ENTPD1: variants seen among roughly 807,000 people sequenced by gnomAD.
ENTPD1 encodes ectonucleoside triphosphate diphosphohydrolase 1, also known as ATP diphosphohydrolase.
A neutral mutation model predicts 57.0 loss-of-function variants in ENTPD1; 33 were observed. That is an observed-to-expected ratio of 0.58 (90% CI 0.44 to 0.77). ENTPD1 has a LOEUF of 0.77. Among genes scored for constraint, ENTPD1 ranks in the 30% least tolerant of loss-of-function variants. The probability of loss-of-function intolerance (pLI) is 0.00; values close to 1 mark genes in which losing one functional copy is unlikely to be tolerated. For synonymous variants in ENTPD1, 202 were observed against 218.8 expected (o/e 0.92, Z 0.68); for missense variants, 501 against 603.4 (o/e 0.83, Z 1.78).
rs1481753761 is a variant in ENTPD1, at chr10:95,869,748, A to G, written c.*3365A>G. On this transcript the variant is annotated 3_prime_UTR_variant, in exon 10 of 10. Transcript: ENST00000371205. ...CTGCAAGAGATGGATGGTATGGTAC[A>G]CTCAAACTGGGTAACACAGGAGAGT... is the stretch of plus-strand genomic sequence containing the variant. 3.5e-6 allele frequency: 3 copies of G among 864,314 alleles called. No homozygotes were observed. The highest frequency in any genetic ancestry group is 4.2e-6 in the Non-Finnish European group (3 of 719,666). 53.5% of individuals were successfully genotyped at this position (864,314 alleles called of 1,614,324 possible).
At chr10:95,776,480 G>A (rs577682398) in intron 1 of ENTPD1, among the ~76,000 whole-genome samples, 1 of 152,308 alleles carries the variant, frequency 6.6e-6, no homozygotes, top group South Asian at 2.1e-4. Flanking sequence ...ACTCTCTTCT[G>A]GCTTGTAGAG....
At chr10:95,700,314 A>T in the ENTPD1 span, among the ~76,000 whole-genome samples, 1 of 152,200 alleles carries the variant, frequency 6.6e-6, no homozygotes, top group Non-Finnish European at 1.5e-5. Flanking sequence ...CTGAGGATTA[A>T]ATCTACAAGT....
At chr10:95,722,927 G>A (rs977330881) in intron 1 of ENTPD1, among the ~76,000 whole-genome samples, 5 of 152,170 alleles carry the variant, frequency 3.3e-5, no homozygotes, top group African/African-American at 9.7e-5. Flanking sequence ...TTTGACTTAG[G>A]ATAATTCTGA....
At position 95,871,102 on chromosome 10, in the gene ENTPD1, A is replaced by C; in HGVS notation, c.*4719A>C. 5.1e-6 allele frequency: 5 copies of C among 985,472 alleles called. No homozygotes were observed. Among genetic ancestry groups the C allele is most frequent in the Non-Finnish European group, 6.0e-6 (5 of 829,944 alleles). The allele number at this position is 985,472 out of a possible 1,614,324, so 61.0% of individuals were successfully genotyped here. A position where few individuals can be genotyped will look rare whatever the true frequency, so the allele number is the denominator to read the frequency against. ...GTCACTTCTGTCACAGGCTATTGTA[A>C]GTCATATGAGCAAGCTCAATAAAAT... On this transcript the variant is annotated 3_prime_UTR_variant, in exon 10 of 10. Coordinates refer to ENST00000371205, the MANE Select transcript of ENTPD1 (RefSeq NM_001776.6).
At chr10:95,796,879 G>C (rs2098228301) in intron 1 of ENTPD1, among the ~76,000 whole-genome samples, 1 of 152,006 alleles carries the variant, frequency 6.6e-6, no homozygotes, top group Non-Finnish European at 1.5e-5. Context: ...AGGAGTTTGA[G>C]ACCAGCCTGG....
intron 1 of ENTPD1, among the ~76,000 whole-genome samples, chr10:95,741,520 G>A (rs2098000323): frequency 6.6e-6 from 1 of 152,224 alleles, no homozygotes; most frequent in South Asian, 2.1e-4. Flanking sequence ...ACATGGTACT[G>A]CAATAATGGC....
chr10:95,755,999 G>C, upstream of ENTPD1: 1 of 1,464,842 alleles, frequency 6.8e-7, no homozygotes, highest in Non-Finnish European at 9.0e-7. Context: ...AAGGCTTCGA[G>C]TAACTTTAGG....
intron 1 of ENTPD1, among the ~76,000 whole-genome samples, chr10:95,817,421 T>G (rs1242544119): frequency 6.6e-6 from 1 of 152,160 alleles, no homozygotes; most frequent in African/African-American, 2.4e-5. Flanking sequence ...CCACACCCTC[T>G]CTCTCCAGTG....
chr10:95,857,927 C>G (rs1456680151), intron 7 of ENTPD1, among the ~76,000 whole-genome samples: 1 of 151,964 alleles, frequency 6.6e-6, no homozygotes, highest in African/African-American at 2.4e-5. Flanking sequence ...TTTGGGAGGC[C>G]GACGCGGGCG....
chr10:95,696,382 G>C, the ENTPD1 span, among the ~76,000 whole-genome samples: 1 of 152,162 alleles, frequency 6.6e-6, no homozygotes, highest in Non-Finnish European at 1.5e-5. Context: ...CCAGGTTCAA[G>C]CAACTTTCCT....
At chr10:95,815,467 A>G (rs2098326794) in intron 1 of ENTPD1, among the ~76,000 whole-genome samples, 1 of 152,232 alleles carries the variant, frequency 6.6e-6, no homozygotes, top group African/African-American at 2.4e-5. Context: ...AACAGTCCAG[A>G]CAACCCTTCC....
chr10:95,778,151 C>T (rs897485689), intron 1 of ENTPD1, among the ~76,000 whole-genome samples: 1 of 152,298 alleles, frequency 6.6e-6, no homozygotes, highest in African/African-American at 2.4e-5. Context: ...ATGGGCTGCA[C>T]CCACTGTCCA....
upstream of ENTPD1, among the ~76,000 whole-genome samples, chr10:95,752,102 G>A (rs1403849894): frequency 1.3e-5 from 2 of 152,168 alleles, no homozygotes; most frequent in South Asian, 2.1e-4. Flanking sequence ...GGCCAACAAT[G>A]GCCCATGCTA....
intron 1 of ENTPD1, among the ~76,000 whole-genome samples, chr10:95,715,618 C>G (rs2139814689): frequency 6.6e-6 from 1 of 151,822 alleles, no homozygotes; most frequent in African/African-American, 2.4e-5. Context: ...CTTCTTTTTC[C>G]TCTGTTCCCC....
intron 1 of ENTPD1, among the ~76,000 whole-genome samples, chr10:95,748,576 T>A (rs892262235): frequency 7.9e-5 from 12 of 152,256 alleles, no homozygotes; most frequent in African/African-American, 2.7e-4. Context: ...TTTCTGTGTG[T>A]GTCTCCAGCA....
chr10:95,696,315 C>T, the ENTPD1 span, among the ~76,000 whole-genome samples: 1 of 152,040 alleles, frequency 6.6e-6, no homozygotes, highest in Non-Finnish European at 1.5e-5. Context: ...GAGTCTTGCC[C>T]TGTCACCCAG....
chr10:95,754,917 T>A (rs2098018555), upstream of ENTPD1: 2 of 152,258 alleles, frequency 1.3e-5, no homozygotes, highest in South Asian at 4.1e-4. Context: ...TATTAAAGTA[T>A]GACTGAAAGC....
intron 1 of ENTPD1, among the ~76,000 whole-genome samples, chr10:95,759,756 A>G (rs1289560135): frequency 6.6e-6 from 1 of 152,234 alleles, no homozygotes; most frequent in Non-Finnish European, 1.5e-5. Flanking sequence ...AGTGCTAATA[A>G]TAATAGCTAA....
intron 1 of ENTPD1, among the ~76,000 whole-genome samples, chr10:95,779,589 A>G (rs2098148309): frequency 1.3e-5 from 2 of 152,112 alleles, no homozygotes; most frequent in Admixed American, 1.3e-4. Context: ...GTTTCTCACA[A>G]ATTATAATTT....
Sources: allele counts gnomAD v4.1 joint callset (sites outside exome capture counted in the v4.1 genomes callset), GRCh38; gene constraint gnomAD v4.1.1; transcripts MANE v1.5; gene names NCBI Gene and HGNC (gene_info 2026-07-23, HGNC 2026-07-21).